The following WDFY2 variants were observed in gnomAD, a reference collection of about 807,000 sequenced individuals.
WDFY2 encodes the protein WD repeat and FYVE domain-containing protein 2.
WDFY2 carries 36 observed loss-of-function variants against 56.4 expected under a neutral mutation model. That is an observed-to-expected ratio of 0.64 (90% CI 0.49 to 0.84). The LOEUF (loss-of-function observed/expected upper bound fraction) is 0.84. Ranked by LOEUF, WDFY2 falls within the 40% of genes least tolerant of loss-of-function variation. WDFY2 has a pLI of 0.00. For missense variants in WDFY2, 444 were observed against 512.2 expected (o/e 0.87, Z 1.29); for synonymous variants, 176 against 183.7 (o/e 0.96, Z 0.34).
intron 3 of WDFY2, among the ~76,000 whole-genome samples, chr13:51,678,457 C>T (rs1338432377): frequency 2.0e-5 from 3 of 152,110 alleles, no homozygotes; most frequent in Admixed American, 6.5e-5. Flanking sequence ...ATTCTATTAC[C>T]ATTCAAAATG....
At chr13:51,632,968 G>A (rs1422461573) in intron 1 of WDFY2, among the ~76,000 whole-genome samples, 1 of 152,174 alleles carries the variant, frequency 6.6e-6, no homozygotes, top group Admixed American at 6.5e-5. Context: ...AAAAACGTTA[G>A]ATTTACTGTG....
chr13:51,725,735 C>T (rs1321015258), intron 5 of WDFY2, among the ~76,000 whole-genome samples: 1 of 151,074 alleles, frequency 6.6e-6, no homozygotes, highest in East Asian at 1.9e-4. Context: ...ACTGTGTCAC[C>T]CAGGCTGGAG....
intron 1 of WDFY2, among the ~76,000 whole-genome samples, chr13:51,603,990 G>A (rs1463380511): frequency 2.6e-5 from 4 of 152,102 alleles, no homozygotes; most frequent in African/African-American, 9.7e-5. Context: ...CAGCTTCTTG[G>A]CATTAGCTGA....
chr13:51,649,424 T>C (rs1955325775), intron 1 of WDFY2, among the ~76,000 whole-genome samples: 2 of 139,072 alleles, frequency 1.4e-5, no homozygotes, highest in Non-Finnish European at 3.1e-5. Context: ...GCGGTCAGAC[T>C]TTTTTTTTTT....
chr13:51,659,320 A>G (rs1287050521), intron 1 of WDFY2, among the ~76,000 whole-genome samples: 3 of 152,188 alleles, frequency 2.0e-5, no homozygotes, highest in Non-Finnish European at 2.9e-5. Flanking sequence ...GATGACTTAA[A>G]TAGTATCTTT....
intron 1 of WDFY2, among the ~76,000 whole-genome samples, chr13:51,633,566 T>G (rs1403952353): frequency 6.6e-6 from 1 of 152,230 alleles, no homozygotes; most frequent in Non-Finnish European, 1.5e-5. Flanking sequence ...CTCTGCTGTT[T>G]GCTAAATTAT....
intron 1 of WDFY2, among the ~76,000 whole-genome samples, chr13:51,660,342 G>A (rs899649376): frequency 2.7e-5 from 4 of 150,608 alleles, no homozygotes; most frequent in Non-Finnish European, 5.9e-5. Context: ...GATTACAGGC[G>A]CACACCACTA....
chr13:51,732,675 T>C (rs1952750354), intron 6 of WDFY2, among the ~76,000 whole-genome samples: 1 of 152,226 alleles, frequency 6.6e-6, no homozygotes, highest in Admixed American at 6.5e-5. Flanking sequence ...AGTGTAAAGA[T>C]GCAAGTTCAT....
chr13:51,702,976 G>A (rs904952644), intron 3 of WDFY2, among the ~76,000 whole-genome samples: 1 of 152,106 alleles, frequency 6.6e-6, no homozygotes, highest in Non-Finnish European at 1.5e-5. Flanking sequence ...TCCCCACCAA[G>A]GGTATATATA....
At chr13:51,692,437 A>T (rs556650762) in intron 3 of WDFY2, among the ~76,000 whole-genome samples, 1 of 152,194 alleles carries the variant, frequency 6.6e-6, no homozygotes, top group Non-Finnish European at 1.5e-5. Flanking sequence ...CCTTTTCTGC[A>T]TCTATTGAGA....
intron 3 of WDFY2, among the ~76,000 whole-genome samples, chr13:51,676,933 T>C (rs984698838): frequency 2.0e-5 from 3 of 152,214 alleles, no homozygotes; most frequent in African/African-American, 7.2e-5. Context: ...TAGGATAGTT[T>C]GCGTAACGCT....
chr13:51,685,780 A>G (rs1455298777), intron 3 of WDFY2, among the ~76,000 whole-genome samples: 1 of 152,156 alleles, frequency 6.6e-6, no homozygotes, highest in Non-Finnish European at 1.5e-5. Flanking sequence ...CTAGTAAATA[A>G]CATTTAATTT....
At chr13:51,653,808 C>G (rs989863662) in intron 1 of WDFY2, among the ~76,000 whole-genome samples, 4 of 152,198 alleles carry the variant, frequency 2.6e-5, no homozygotes, top group African/African-American at 9.6e-5. Flanking sequence ...AGGTGTCAGT[C>G]TGCCCCTACT....
intron 7 of WDFY2, among the ~76,000 whole-genome samples, chr13:51,740,296 T>C (rs1952938872): frequency 6.6e-6 from 1 of 152,230 alleles, no homozygotes; most frequent in Non-Finnish European, 1.5e-5. Context: ...TCCTGGCTTG[T>C]GGGGCCACTC....
chr13:51,609,519 G>C (rs905621406), intron 1 of WDFY2, among the ~76,000 whole-genome samples: 1 of 151,672 alleles, frequency 6.6e-6, no homozygotes, highest in African/African-American at 2.4e-5. Flanking sequence ...CTGCAAGACT[G>C]TAGCTCCTGG....
intron 2 of WDFY2, among the ~76,000 whole-genome samples, chr13:51,667,017 G>A (rs1257510013): frequency 1.3e-5 from 2 of 152,174 alleles, no homozygotes; most frequent in Non-Finnish European, 2.9e-5. Flanking sequence ...ACAATTTGCT[G>A]AATCACTTTG....
chr13:51,597,761 T>G (rs1954178533), intron 1 of WDFY2, among the ~76,000 whole-genome samples: 1 of 152,218 alleles, frequency 6.6e-6, no homozygotes, highest in African/African-American at 2.4e-5. Context: ...TTTAAAAATG[T>G]TACTTATTTG....
At chr13:51,639,527 G>C (rs932136557) in intron 1 of WDFY2, among the ~76,000 whole-genome samples, 4 of 148,414 alleles carry the variant, frequency 2.7e-5, no homozygotes, top group African/African-American at 9.8e-5. Context: ...AGATTTTTTT[G>C]TTTTATACCT....
At chr13:51,708,025 T>G (rs1371032784) in intron 4 of WDFY2, among the ~76,000 whole-genome samples, 1 of 126,200 alleles carries the variant, frequency 7.9e-6, no homozygotes, top group Non-Finnish European at 1.6e-5. Flanking sequence ...CACAAACAAT[T>G]GTGGGCACAC....
Sources: gnomAD v4.1 joint callset for allele counts (sites outside exome capture counted in the v4.1 genomes callset) on GRCh38, gnomAD v4.1.1 for gene constraint, MANE v1.5 for transcripts, NCBI Gene and HGNC (gene_info 2026-07-23, HGNC 2026-07-21) for gene names.